SLC7A11: variants seen among roughly 807,000 people sequenced by gnomAD.
The protein encoded by SLC7A11 is cystine/glutamate transporter.
In SLC7A11, 35 loss-of-function variants were observed where a neutral mutation model predicts 54.5. The ratio of observed to expected loss-of-function variants is 0.64; its 90% confidence interval spans 0.49 to 0.85. The LOEUF is 0.85. Among genes scored for constraint, SLC7A11 ranks in the 40% least tolerant of loss-of-function variants. SLC7A11 has a pLI of 0.00. For missense variants in SLC7A11, 583 were observed against 618.1 expected (o/e 0.94, Z 0.60); for synonymous variants, 230 against 225.2 (o/e 1.02, Z -0.19).
At chr4:138,216,529 C>T (rs1737685061) in intron 5 of SLC7A11, among the ~76,000 whole-genome samples, 1 of 152,176 alleles carries the variant, frequency 6.6e-6, no homozygotes, top group Non-Finnish European at 1.5e-5. Flanking sequence ...TCCGACCCAA[C>T]TGTGTGACCT....
rs193237538 is a variant in SLC7A11 at position 138,229,312 on chromosome 4, C to T, written c.520+2955G>A. 1.1e-4 allele frequency among the ~76,000 whole-genome samples: 17 copies of T among 152,252 alleles called. No homozygotes were observed. In the East Asian group the frequency reaches 2.3e-3, roughly 21 times the overall value. Reference sequence around the variant, plus strand: ...CTCCTTCTCTATCTCCATCTCCACCCGCTGTTGCACCATTAAAGCTAAATT... The same window carrying T: ...CTCCTTCTCTATCTCCATCTCCACCTGCTGTTGCACCATTAAAGCTAAATT... On this transcript the variant is annotated intron_variant, in intron 3 of 11. Coordinates refer to ENST00000280612, the MANE Select transcript of SLC7A11 (RefSeq NM_014331.4).
chr4:138,204,132 T>G (rs754010164), intron 6 of SLC7A11, among the ~76,000 whole-genome samples: 2 of 152,116 alleles, frequency 1.3e-5, no homozygotes, highest in Non-Finnish European at 2.9e-5. Context: ...GCCATTCACC[T>G]TGTACCCTCA....
At chr4:138,206,253 C>CCTCT (rs1414304508) in intron 6 of SLC7A11, among the ~76,000 whole-genome samples, 1 of 150,728 alleles carries the variant, frequency 6.6e-6, no homozygotes, top group Non-Finnish European at 1.5e-5. Context: ...TCTCCCTCTC[C>CCTCT]CTCTCTCTCC....
At chr4:138,201,404 G>C (rs1737283521) in intron 6 of SLC7A11, among the ~76,000 whole-genome samples, 1 of 152,054 alleles carries the variant, frequency 6.6e-6, no homozygotes, top group African/African-American at 2.4e-5. Context: ...GAAAGGGAAA[G>C]AAAGATAATA....
rs1451693771 is a variant in SLC7A11, at chr4:138,169,736, AT to A, written c.*2219del. 2 of 151,962 alleles carry A rather than the reference AT, an allele frequency of 1.3e-5. No individual in the cohort carries two copies. The highest frequency in any genetic ancestry group is 2.9e-5 in the Non-Finnish European group (2 of 67,944). The allele number at this position is 151,962 out of a possible 1,614,324, so 9.4% of individuals were successfully genotyped here. ...AGCCTAGTCTATGGGGAAAAAAAAA[AT>A]AGGAATATGAAAGAAATTCTTACCT... On this transcript the variant is annotated 3_prime_UTR_variant, in exon 12 of 12. Coordinates refer to ENST00000280612, the MANE Select transcript of SLC7A11 (RefSeq NM_014331.4).
intron 11 of SLC7A11, chr4:138,174,405 G>A (rs1736513761): frequency 6.6e-6 from 1 of 152,176 alleles, no homozygotes; most frequent in African/African-American, 2.4e-5. Flanking sequence ...CTCTTCCTTT[G>A]TGTTTAATCA....
rs1236811084 is a variant in SLC7A11, at chr4:138,171,481, T to G, written c.*475A>C. The G allele has an allele frequency of 6.5e-6, 1 of 153,348 alleles. No individual in the cohort carries two copies. Among genetic ancestry groups the G allele is most frequent in the Non-Finnish European group, 1.5e-5 (1 of 68,666 alleles). 9.5% of individuals were successfully genotyped at this position (153,348 alleles called of 1,614,324 possible). ...GAAGCAATGCAATGTCAATGTAAAATAAATTTCTTTCTCTCCTCTTTGCCA... is the reference window on the plus strand; with the variant it reads ...GAAGCAATGCAATGTCAATGTAAAAGAAATTTCTTTCTCTCCTCTTTGCCA... On this transcript the variant is annotated 3_prime_UTR_variant, in exon 12 of 12. Coordinates refer to ENST00000280612, the MANE Select transcript of SLC7A11 (RefSeq NM_014331.4).
chr4:138,180,431 G>A, intron 10 of SLC7A11, among the ~76,000 whole-genome samples: 1 of 152,074 alleles, frequency 6.6e-6, no homozygotes, highest in African/African-American at 2.4e-5. Flanking sequence ...GACATACAAA[G>A]TTCAAGCCCA....
intron 6 of SLC7A11, among the ~76,000 whole-genome samples, chr4:138,198,880 C>A (rs1291563266): frequency 6.6e-6 from 1 of 152,086 alleles, no homozygotes; most frequent in Non-Finnish European, 1.5e-5. Flanking sequence ...ATGTTCTTAA[C>A]TAACATCTAG....
At chr4:138,184,663 A>T (rs1736832593) in intron 7 of SLC7A11, among the ~76,000 whole-genome samples, 1 of 152,124 alleles carries the variant, frequency 6.6e-6, no homozygotes, top group African/African-American at 2.4e-5. Context: ...ATTCAAAAGG[A>T]TATACTAGGA....
chr4:138,185,322 T>C, intron 6 of SLC7A11, 78 bp from the exon 7 acceptor site: 1 of 1,478,784 alleles, frequency 6.8e-7, no homozygotes. Context: ...AACAGGCTAA[T>C]TCAAATGAAG....
intron 2 of SLC7A11, among the ~76,000 whole-genome samples, chr4:138,233,277 C>G (rs1474229409): frequency 1.3e-5 from 2 of 151,856 alleles, no homozygotes; most frequent in South Asian, 2.1e-4. Flanking sequence ...CTCCGCCTCC[C>G]GTGTTCAAGC....
chr4:138,235,407 TAA>T lies in SLC7A11; in HGVS notation c.404+916_404+917del, dbSNP rs77293413. On this transcript the variant is annotated intron_variant, in intron 2 of 11. Transcript: ENST00000280612. ...ACTACTTTGAAGATCTTTTTTTGGTTAAAAAAAAAAAGACTTCTAACACTGTA... is the reference window on the plus strand; with the variant it reads ...ACTACTTTGAAGATCTTTTTTTGGTTAAAAAAAAAGACTTCTAACACTGTA... Among the ~76,000 whole-genome samples the T allele has an allele frequency of 5.4e-5, 8 of 147,950 alleles. No individual in the cohort carries two copies. In the East Asian group the frequency reaches 5.9e-4, roughly 11 times the overall value.
At chr4:138,177,449 C>T (rs1736603227) in intron 11 of SLC7A11, 1 of 151,668 alleles carries the variant, frequency 6.6e-6, no homozygotes, top group Admixed American at 6.6e-5. Flanking sequence ...CCCTCTCTCT[C>T]TCTGTCTCTC....
At chr4:138,172,247 C>T (rs1306241169) in intron 11 of SLC7A11, among the ~76,000 whole-genome samples, 1 of 152,118 alleles carries the variant, frequency 6.6e-6, no homozygotes, top group Non-Finnish European at 1.5e-5. Context: ...TAATATTTTG[C>T]ATTCAAATAA....
chr4:138,210,095 C>T (rs2148435489), intron 6 of SLC7A11, among the ~76,000 whole-genome samples: 1 of 151,976 alleles, frequency 6.6e-6, no homozygotes, highest in East Asian at 1.9e-4. Context: ...AGTCACACAC[C>T]TACAACCATA....
At chr4:138,182,253 AT>A in intron 9 of SLC7A11, 43 bp downstream of exon 9, 1 of 1,221,678 alleles carries the variant, frequency 8.2e-7, no homozygotes, top group Non-Finnish European at 1.2e-6. Flanking sequence ...TTGCTAACCT[AT>A]TATTCAAGGT....
At chr4:138,209,596 A>T (rs956487928) in intron 6 of SLC7A11, among the ~76,000 whole-genome samples, 2 of 152,046 alleles carry the variant, frequency 1.3e-5, no homozygotes, top group African/African-American at 4.8e-5. Context: ...CACTGATAAC[A>T]TTCAAGCTGA....
chr4:138,207,597 T>C (rs955378187), intron 6 of SLC7A11, among the ~76,000 whole-genome samples: 5 of 151,932 alleles, frequency 3.3e-5, no homozygotes, highest in African/African-American at 1.2e-4. Context: ...TCCAGCTACT[T>C]GGGAGGCTGA....
Sources: gnomAD v4.1 joint callset for allele counts (sites outside exome capture counted in the v4.1 genomes callset) on GRCh38, gnomAD v4.1.1 for gene constraint, MANE v1.5 for transcripts, NCBI Gene and HGNC (gene_info 2026-07-23, HGNC 2026-07-21) for gene names.